The following PTPN5 variants were observed in gnomAD, a reference collection of about 807,000 sequenced individuals.
The protein encoded by PTPN5 is protein tyrosine phosphatase non-receptor type 5, also known as tyrosine-protein phosphatase non-receptor type 5.
In PTPN5, 29 loss-of-function variants were observed where a neutral mutation model predicts 73.9. That is an observed-to-expected ratio of 0.39 (90% CI 0.29 to 0.54). The LOEUF (loss-of-function observed/expected upper bound fraction) is 0.54, where lower values mean the gene tolerates loss of function less well. Ranked by LOEUF, PTPN5 falls within the 20% of genes least tolerant of loss-of-function variation. The pLI is 0.65. For missense variants in PTPN5, 652 were observed against 751.4 expected, an observed-to-expected ratio of 0.87 and a Z score of 1.55; for synonymous variants, 267 against 304.7, an observed-to-expected ratio of 0.88 and a Z score of 1.29.
At chr11:18,745,299 T>A (rs72880786) in intron 3 of PTPN5, among the ~76,000 whole-genome samples, 7,395 of 152,306 alleles carry the variant, frequency 0.049, 310 homozygotes, top group East Asian at 0.16. Flanking sequence ...GGGCCCAGCA[T>A]AGCCGTTTGT....
intron 1 of PTPN5, among the ~76,000 whole-genome samples, chr11:18,789,084 A>G (rs768366623): frequency 1.5e-4 from 23 of 152,174 alleles, no homozygotes; most frequent in Non-Finnish European, 2.9e-4. Flanking sequence ...TTTTTGAGGG[A>G]GGAGGACTTT....
chr11:18,762,492 C>G (rs1850443278), intron 3 of PTPN5, among the ~76,000 whole-genome samples: 1 of 152,024 alleles, frequency 6.6e-6, no homozygotes, highest in Non-Finnish European at 1.5e-5. Context: ...ACACCAGGCT[C>G]TGGTGTAGAG....
At chr11:18,749,947 T>C (rs774863854) in intron 3 of PTPN5, among the ~76,000 whole-genome samples, 4 of 152,158 alleles carry the variant, frequency 2.6e-5, no homozygotes, top group Non-Finnish European at 5.9e-5. Flanking sequence ...CCCTTCCCAA[T>C]GTGGCCAGCG....
chr11:18,764,333 G>T (rs560960685), intron 3 of PTPN5, among the ~76,000 whole-genome samples: 2 of 152,230 alleles, frequency 1.3e-5, no homozygotes, highest in African/African-American at 4.8e-5. Context: ...TGCCCCTTCC[G>T]CAAGACAGCC....
chr11:18,749,420 A>G (rs756278145), intron 3 of PTPN5: 12 of 506,700 alleles, frequency 2.4e-5, no homozygotes, highest in South Asian at 1.5e-4. Flanking sequence ...CCATTTTGCC[A>G]TGCCGCTTCT....
At chr11:18,764,782 G>A (rs1028005920) in intron 3 of PTPN5, among the ~76,000 whole-genome samples, 26 of 152,104 alleles carry the variant, frequency 1.7e-4, no homozygotes, top group Admixed American at 1.0e-3. Flanking sequence ...GCGCGATCTC[G>A]GCTCACTGCA....
chr11:18,763,132 G>A (rs554381458), intron 3 of PTPN5, among the ~76,000 whole-genome samples: 6 of 152,304 alleles, frequency 3.9e-5, no homozygotes, highest in South Asian at 4.1e-4. Context: ...GGACAGCATC[G>A]TGGGAGTCTA....
chr11:18,754,953 G>T (rs753228105), intron 3 of PTPN5, among the ~76,000 whole-genome samples: 4 of 152,170 alleles, frequency 2.6e-5, no homozygotes, highest in Non-Finnish European at 5.9e-5. Flanking sequence ...TCCTTGTGCA[G>T]TCCCTCCTAC....
Position 18,728,639 on chromosome 11 carries a change from A to C in PTPN5, c.*295T>G. 2.9e-6 allele frequency: 1 copy of C among 349,096 alleles called. No homozygotes were observed. Among genetic ancestry groups the C allele is most frequent in the East Asian group, 6.3e-5 (1 of 15,818 alleles). 21.6% of individuals were successfully genotyped at this position (349,096 alleles called of 1,614,324 possible). A position where few individuals can be genotyped will look rare whatever the true frequency, so the allele number is the denominator to read the frequency against. On this transcript the variant is annotated 3_prime_UTR_variant, in exon 15 of 15. Transcript: ENST00000358540. This position sits in a 1 kb window ranked among gnomAD's most constrained non-coding sequence, Gnocchi z 4.1. ...AGCACGGAAACATTCTGGATCAGGT[A>C]TTGATGGAACCATCGTTAAAAACTG...
intron 1 of PTPN5, among the ~76,000 whole-genome samples, chr11:18,784,583 A>G (rs1851586014): frequency 6.6e-6 from 1 of 152,230 alleles, no homozygotes; most frequent in African/African-American, 2.4e-5. Context: ...TGATGGTTGT[A>G]TAACACTGTA....
chr11:18,733,167 T>C lies in PTPN5; in HGVS notation c.1218+68A>G. The stretch of plus-strand genomic sequence containing the variant: ...TCTTGAGATTGTCATAAAGATTAAT[T>C]TGAGAACAAGATACTTAGTGTAGGG... On this transcript the variant is annotated intron_variant, in intron 11 of 14. Coordinates refer to ENST00000358540, the MANE Select transcript of PTPN5 (RefSeq NM_006906.2). This position sits in a 1 kb window ranked among gnomAD's most constrained non-coding sequence, Gnocchi z 4.3. 1 of 1,567,208 alleles carries C rather than the reference T, an allele frequency of 6.4e-7. No individual in the cohort carries two copies. The highest frequency in any genetic ancestry group is 1.2e-5 in the South Asian group (1 of 86,776).
Position 18,742,056 on chromosome 11 carries a change from G to C in PTPN5, c.725+206C>G, listed in dbSNP as rs1488799284. The stretch of plus-strand genomic sequence containing the variant: ...TGTGAACATGTGTACACCTATGTGT[G>C]CGTGTGCAGTAACAGTATTTCTCAG... On this transcript the variant is annotated intron_variant, in intron 7 of 14. Coordinates refer to ENST00000358540, the MANE Select transcript of PTPN5 (RefSeq NM_006906.2). The surrounding 1 kb of genome is among the most constrained non-coding windows in gnomAD (Gnocchi z 4.1). 1.3e-5 allele frequency among the ~76,000 whole-genome samples: 2 copies of C among 152,212 alleles called. No homozygotes were observed. Among genetic ancestry groups the C allele is most frequent in the Non-Finnish European group, 2.9e-5 (2 of 68,032 alleles).
chr11:18,761,353 TG>T (rs1164896208), intron 3 of PTPN5, among the ~76,000 whole-genome samples: 7 of 152,144 alleles, frequency 4.6e-5, no homozygotes, highest in Non-Finnish European at 1.0e-4. Context: ...TGGTGCTGGA[TG>T]GGGGAAGGAG....
Position 18,729,432 on chromosome 11 carries a change from CA to C in PTPN5, c.1604+20del. 8.4e-7 allele frequency: 1 copy of C among 1,186,060 alleles called. No homozygotes were observed. Among genetic ancestry groups the C allele is most frequent in the South Asian group, 1.2e-5 (1 of 82,684 alleles). The allele number at this position is 1,186,060 out of a possible 1,614,324, so 73.5% of individuals were successfully genotyped here. Reference sequence around the variant, plus strand: ...GGGCTCTAGCTCCCTTGTGTGTCCCCACTCCCGCCCGTGGGCTGACCTGTCC... The same window carrying C: ...GGGCTCTAGCTCCCTTGTGTGTCCCCCTCCCGCCCGTGGGCTGACCTGTCC... On this transcript the variant is annotated intron_variant, in intron 14 of 14. Transcript: ENST00000358540. This position sits in a 1 kb window ranked among gnomAD's most constrained non-coding sequence, Gnocchi z 5.2.
upstream of PTPN5, chr11:18,792,382 G>GGGGC (rs1374915497): frequency 6.6e-6 from 1 of 152,402 alleles, no homozygotes; most frequent in Admixed American, 6.5e-5. Context: ...GGACGCTGAG[G>GGGGC]AGGCGTCCTT....
intron 1 of PTPN5, among the ~76,000 whole-genome samples, chr11:18,790,056 C>T (rs1021085766): frequency 6.6e-6 from 1 of 151,986 alleles, no homozygotes; most frequent in Admixed American, 6.6e-5. Flanking sequence ...GACTCCATCC[C>T]TTCACCATCC....
At chr11:18,791,382 G>C (rs1166238093) in intron 1 of PTPN5, 143 bp downstream of exon 1, 1 of 152,262 alleles carries the variant, frequency 6.6e-6, no homozygotes, top group Non-Finnish European at 1.5e-5. Flanking sequence ...AGAGCCCCAC[G>C]GGGGCGTGGC....
intron 2 of PTPN5, among the ~76,000 whole-genome samples, chr11:18,770,489 C>T (rs1481138355): frequency 2.0e-5 from 3 of 152,218 alleles, no homozygotes; most frequent in Non-Finnish European, 4.4e-5. Context: ...GATTCCTTTT[C>T]AAGGCTGAAT....
In PTPN5 at chr11:18,742,651, C is replaced by T. The variant is rs1849423327; in HGVS notation, c.484-148G>A. The stretch of plus-strand genomic sequence containing the variant: ...TGGGAGTTGTCCACAAGGCACTGCC[C>T]CTGGCCTCGATGGGAGGCTCCATGC... On this transcript the variant is annotated intron_variant, in intron 6 of 14. Transcript: ENST00000358540. The surrounding 1 kb of genome is among the most constrained non-coding windows in gnomAD (Gnocchi z 4.1). 3 of 1,224,868 alleles carry T rather than the reference C, an allele frequency of 2.4e-6. No homozygotes were observed. Among genetic ancestry groups the T allele is most frequent in the Non-Finnish European group, 3.3e-6 (3 of 897,938 alleles). 75.9% of individuals were successfully genotyped at this position (1,224,868 alleles called of 1,614,324 possible).
Sources: gnomAD v4.1 joint callset for allele counts (sites outside exome capture counted in the v4.1 genomes callset) on GRCh38, gnomAD v4.1.1 for gene constraint, Gnocchi (gnomAD v3.1) non-coding constraint, MANE v1.5 for transcripts, NCBI Gene and HGNC (gene_info 2026-07-23, HGNC 2026-07-21) for gene names.